Variants in SLC17A1 observed in about 807,000 individuals in gnomAD.
The protein encoded by SLC17A1 is solute carrier family 17 member 1.
Under a neutral mutation model 53.5 loss-of-function variants are expected in SLC17A1, and 51 were observed. The observed-to-expected ratio is 0.95, with a 90% CI of 0.76 to 1.20. The LOEUF (loss-of-function observed/expected upper bound fraction) is 1.20. SLC17A1 is among the 50% of genes most tolerant of loss of function. SLC17A1 has a pLI of 0.00. For missense variants in SLC17A1, 538 were observed against 568.2 expected (o/e 0.95, Z 0.54); for synonymous variants, 179 against 198.8 (o/e 0.90, Z 0.84).
chr6:25,826,418 C>G (rs1020485106), intron 3 of SLC17A1, 43 bp downstream of exon 3: 2 of 1,479,796 alleles, frequency 1.4e-6, no homozygotes, highest in African/African-American at 2.8e-5. Flanking sequence ...GTTAGCAAGA[C>G]AGGCTTTTAA....
Position 25,811,704 on chromosome 6 carries a change from A to C in SLC17A1, c.964T>G (p.Ser322Ala). ...WICGNLAGQL[S>A]DFFLTRNILS... The stretch of plus-strand genomic sequence containing the variant: ...ATATTCCTGGTCAGGAAGAAGTCTG[A>C]TAACTGACCTGCTAGGTTACCACAG... Residue 322 changes from serine to alanine, a missense_variant, in exon 9 of 13, where the codon TCA (serine) becomes GCA (alanine). Ser to Ala is a moderately conservative substitution (Grantham distance 99). Coordinates refer to ENST00000244527, the MANE Select transcript of SLC17A1 (RefSeq NM_005074.5). 1 of 1,613,718 alleles carries C rather than the reference A, an allele frequency of 6.2e-7. No homozygotes were observed. The highest frequency in any genetic ancestry group is 2.2e-5 in the East Asian group (1 of 44,884).
chr6:25,765,054 T>G, the SLC17A1 span, among the ~76,000 whole-genome samples: 1 of 152,224 alleles, frequency 6.6e-6, no homozygotes, highest in African/African-American at 2.4e-5. Flanking sequence ...CCAGCATGGG[T>G]GGCCCTGTGC....
Position 25,819,547 on chromosome 6 carries a change from G to C in SLC17A1, c.493C>G (p.Leu165Val). ...FEIYVKWAPP[L>V]ERGRLTSMST... is the part of the protein sequence containing the mutation. The stretch of plus-strand genomic sequence containing the variant: ...ATAGAAGTAAGTCGGCCTCGTTCCA[G>C]GGGAGGAGCCCATTTGACATATATT... The change falls in exon 5 of 13, where the codon CTG (leucine) becomes GTG (valine). Residue 165 changes from leucine to valine, a missense_variant. Leu to Val is a conservative substitution (Grantham distance 32). Transcript: ENST00000244527. 1 of 1,614,056 alleles carries C rather than the reference G, an allele frequency of 6.2e-7. No homozygotes were observed. The highest frequency in any genetic ancestry group is 1.3e-5 in the African/African-American group (1 of 75,046).
chr6:25,763,777 A>G, the SLC17A1 span, among the ~76,000 whole-genome samples: 1 of 152,198 alleles, frequency 6.6e-6, no homozygotes, highest in Non-Finnish European at 1.5e-5. Context: ...TTTCTCTATC[A>G]GTGTCAGTTA....
the SLC17A1 span, among the ~76,000 whole-genome samples, chr6:25,772,320 T>A: frequency 3.9e-5 from 6 of 152,204 alleles, no homozygotes; most frequent in African/African-American, 1.4e-4. Context: ...ACATTGCTAA[T>A]TTTCATATCT....
intron 12 of SLC17A1, among the ~76,000 whole-genome samples, chr6:25,785,284 A>G (rs1313340824): frequency 6.6e-6 from 1 of 152,164 alleles, no homozygotes; most frequent in Non-Finnish European, 1.5e-5. Context: ...ATAACAAAAT[A>G]CTATTACCTC....
At chr6:25,732,387 C>T in the SLC17A1 span, 4 of 266,062 alleles carry the variant, frequency 1.5e-5, no homozygotes, top group Non-Finnish European at 2.9e-5. Flanking sequence ...ACTAGAAATA[C>T]GCTGAGTACC....
rs147664258 is a variant in SLC17A1 at position 25,826,611 on chromosome 6, G to A, written c.57C>T (p.Arg19=). The change falls in exon 3 of 13, where the codon CGC becomes CGT. Residue 19 remains arginine (R), a synonymous_variant. Coordinates refer to ENST00000244527, the MANE Select transcript of SLC17A1 (RefSeq NM_005074.5). The part of the protein sequence containing the change: ...PKKVPGFCSF[R]YGLSFLVHCC... ...AGTGCACAAGGAAAGACAATCCATA[G>A]CGAAAGGAACAGAAACCTGGAACTA... 1.9e-6 allele frequency: 3 copies of A among 1,582,104 alleles called. No homozygotes were observed. Among genetic ancestry groups the A allele is most frequent in the African/African-American group, 2.7e-5 (2 of 73,486 alleles).
At chr6:25,727,492 C>T in the SLC17A1 span, among the ~76,000 whole-genome samples, 2 of 150,668 alleles carry the variant, frequency 1.3e-5, no homozygotes, top group Non-Finnish European at 1.5e-5. Context: ...CCTGAGTTCA[C>T]GCCATTCTCC....
chr6:25,759,631 C>T, the SLC17A1 span, among the ~76,000 whole-genome samples: 17 of 152,160 alleles, frequency 1.1e-4, no homozygotes, highest in East Asian at 5.8e-4. Context: ...CCAGCCTGGG[C>T]GGCAGAGTGA....
the SLC17A1 span, among the ~76,000 whole-genome samples, chr6:25,748,049 CACTT>C: frequency 6.6e-6 from 1 of 152,124 alleles, no homozygotes; most frequent in Non-Finnish European, 1.5e-5. Context: ...CATGAAAAAA[CACTT>C]AGTAAAACAA....
intron 12 of SLC17A1, among the ~76,000 whole-genome samples, chr6:25,796,941 C>T (rs988483050): frequency 2.0e-5 from 3 of 152,226 alleles, no homozygotes; most frequent in African/African-American, 7.2e-5. Flanking sequence ...ATATACAACA[C>T]TGCCTTCTCT....
intron 3 of SLC17A1, among the ~76,000 whole-genome samples, chr6:25,822,887 C>T (rs1241806296): frequency 2.0e-5 from 3 of 151,976 alleles, no homozygotes; most frequent in Non-Finnish European, 2.9e-5. Context: ...ATTTGTGAAG[C>T]TATCACCACA....
intron 2 of SLC17A1, among the ~76,000 whole-genome samples, chr6:25,828,684 T>C (rs1289228903): frequency 1.3e-5 from 2 of 152,108 alleles, no homozygotes; most frequent in Admixed American, 6.6e-5. Context: ...TGGAAGCTAT[T>C]TTATTAGATA....
the SLC17A1 span, among the ~76,000 whole-genome samples, chr6:25,755,229 C>A: frequency 1.3e-5 from 2 of 152,128 alleles, no homozygotes; most frequent in Admixed American, 1.3e-4. Flanking sequence ...GGAAGATTTT[C>A]ATCATGCCTA....
chr6:25,783,502 C>G (rs1430374020), intron 12 of SLC17A1, among the ~76,000 whole-genome samples: 1 of 152,140 alleles, frequency 6.6e-6, no homozygotes, highest in Non-Finnish European at 1.5e-5. Context: ...ACAACTCCAA[C>G]ATTTTGCTAG....
At chr6:25,727,583 G>A in the SLC17A1 span, among the ~76,000 whole-genome samples, 3 of 95,508 alleles carry the variant, frequency 3.1e-5, no homozygotes, top group Non-Finnish European at 9.0e-5. Context: ...GTAGAGACGG[G>A]GTTTCACCAT....
intron 1 of SLC17A1, among the ~76,000 whole-genome samples, chr6:25,831,358 G>C (rs1313852447): frequency 6.6e-6 from 1 of 152,136 alleles, no homozygotes; most frequent in Non-Finnish European, 1.5e-5. Context: ...CCAAAGTCCT[G>C]AGATTGGATT....
the SLC17A1 span, among the ~76,000 whole-genome samples, chr6:25,756,536 G>A: frequency 6.6e-6 from 1 of 151,816 alleles, no homozygotes; most frequent in Non-Finnish European, 1.5e-5. Context: ...TAACTTTCTC[G>A]CAGGTGTACT....
Sources: gnomAD v4.1 joint callset for allele counts (sites outside exome capture counted in the v4.1 genomes callset) on GRCh38, gnomAD v4.1.1 for gene constraint, MANE v1.5 for transcripts, NCBI Gene and HGNC (gene_info 2026-07-23, HGNC 2026-07-21) for gene names.